CLMN: variants seen among roughly 807,000 people sequenced by gnomAD.
The protein encoded by CLMN is calmin, also known as calmin (calponin-like, transmembrane).
In CLMN, 57 loss-of-function variants were observed where a neutral mutation model predicts 92.7. The ratio of observed to expected loss-of-function variants is 0.61; its 90% confidence interval spans 0.50 to 0.77. The LOEUF (loss-of-function observed/expected upper bound fraction) is 0.77. CLMN is among the 30% of genes least tolerant of loss of function. CLMN has a pLI of 0.00. For synonymous variants in CLMN, 466 were observed against 470.6 expected (o/e 0.99, Z 0.13); for missense variants, 1,158 against 1,237.5 (o/e 0.94, Z 0.96).
At position 95,228,166 on chromosome 14, in the gene CLMN, T is replaced by C. The variant is rs184189195; in HGVS notation, c.144+1906A>G. Among the ~76,000 whole-genome samples, 80 of 152,268 alleles carry C rather than the reference T, an allele frequency of 5.3e-4. 1 individual carries two copies. The highest frequency in any genetic ancestry group is 4.6e-3 in the Admixed American group (70 of 15,284). On this transcript the variant is annotated intron_variant, in intron 2 of 12. Coordinates refer to ENST00000298912, the MANE Select transcript of CLMN (RefSeq NM_024734.4). The stretch of plus-strand genomic sequence containing the variant: ...TTTTCTGTATTTATTTATTTTAATT[T>C]TTTAAAAAAGAAAGAAAGAAATACT...
chr14:95,221,454 C>T (rs957408436), intron 4 of CLMN, among the ~76,000 whole-genome samples: 2 of 152,180 alleles, frequency 1.3e-5, no homozygotes, highest in East Asian at 1.9e-4. Context: ...TACGACTGAA[C>T]GTACATCAGA....
rs1408715555 is a variant in CLMN, at chr14:95,194,983, T to A, written c.2709-387A>T. Among the ~76,000 whole-genome samples, 4 of 152,196 alleles carry A rather than the reference T, an allele frequency of 2.6e-5. No homozygotes were observed. The highest frequency in any genetic ancestry group is 5.9e-5 in the Non-Finnish European group (4 of 68,028). ...TGGGCCTAGACCAGGCTGCCCTGAC[T>A]CTCTCTACCTGCGTCTGAGGTCCAA... On this transcript the variant is annotated intron_variant, in intron 10 of 12. Coordinates refer to ENST00000298912, the MANE Select transcript of CLMN (RefSeq NM_024734.4). The surrounding 1 kb of genome is among the most constrained non-coding windows in gnomAD (Gnocchi z 4.0).
chr14:95,191,596 G>A lies in CLMN; in HGVS notation c.2977C>T (p.Leu993Phe), dbSNP rs1472391903. ...CTGCTAACATCCAGTTGTGGGAAGA[G>A]CAGCAAGCAGTACACCAGGAGCCAC... ...FLWLLVYCLLLFPQLDVSRL is the reference protein window; with the variant it reads ...FLWLLVYCLLFFPQLDVSRL Residue 993 changes from leucine to phenylalanine, a missense_variant, in exon 13 of 13, where the codon CTC becomes TTC. Transcript: ENST00000298912. This position sits in a 1 kb window ranked among gnomAD's most constrained non-coding sequence, Gnocchi z 5.3. 6 of 1,613,290 alleles carry A rather than the reference G, an allele frequency of 3.7e-6. No homozygotes were observed. The African/African-American group carries it at 5.3e-5, about 14-fold the overall frequency.
At chr14:95,248,959 C>T (rs78948683) in intron 1 of CLMN, among the ~76,000 whole-genome samples, 12,758 of 152,076 alleles carry the variant, frequency 0.084, 540 homozygotes, top group South Asian at 0.094. Flanking sequence ...CAACACCAAT[C>T]GGGGGAAATA....
intron 1 of CLMN, among the ~76,000 whole-genome samples, chr14:95,248,566 C>T (rs1336461418): frequency 3.3e-5 from 5 of 152,194 alleles, no homozygotes; most frequent in Non-Finnish European, 7.3e-5. Context: ...CCCAGTAAAC[C>T]ACAAGGAAAT....
chr14:95,230,928 G>C (rs1000593432), intron 1 of CLMN, among the ~76,000 whole-genome samples: 1 of 152,248 alleles, frequency 6.6e-6, no homozygotes, highest in Non-Finnish European at 1.5e-5. Context: ...CCTTCTCCCA[G>C]GGGAGAGCAT....
intron 1 of CLMN, among the ~76,000 whole-genome samples, chr14:95,274,640 G>A (rs1393511679): frequency 6.6e-6 from 1 of 152,192 alleles, no homozygotes; most frequent in Non-Finnish European, 1.5e-5. Context: ...TTGAAGGGAA[G>A]ACCCTGACTG....
intron 1 of CLMN, among the ~76,000 whole-genome samples, chr14:95,315,061 C>T (rs1211192414): frequency 6.6e-6 from 1 of 152,158 alleles, no homozygotes; most frequent in Non-Finnish European, 1.5e-5. Flanking sequence ...AGCATCCCAT[C>T]CCACTGCTGT....
intron 1 of CLMN, among the ~76,000 whole-genome samples, chr14:95,309,910 T>C (rs1275485612): frequency 3.9e-5 from 6 of 152,136 alleles, no homozygotes; most frequent in African/African-American, 1.4e-4. Context: ...CACAAATAAA[T>C]TCTCTTCTAG....
chr14:95,302,960 T>C (rs568832679), intron 1 of CLMN, among the ~76,000 whole-genome samples: 2 of 152,314 alleles, frequency 1.3e-5, no homozygotes, highest in Admixed American at 6.5e-5. Flanking sequence ...GCAGGCATCA[T>C]TTCAGCGGTG....
At chr14:95,239,249 C>T (rs1471757611) in intron 1 of CLMN, among the ~76,000 whole-genome samples, 3 of 152,090 alleles carry the variant, frequency 2.0e-5, no homozygotes, top group Non-Finnish European at 4.4e-5. Context: ...ACATTGATGA[C>T]TATACTCAGG....
At chr14:95,245,215 T>TA (rs1898458594) in intron 1 of CLMN, among the ~76,000 whole-genome samples, 1 of 35,404 alleles carries the variant, frequency 2.8e-5, no homozygotes, top group Admixed American at 4.9e-4. Context: ...ATATTATATA[T>TA]ATATATATAT....
chr14:95,239,252 T>C (rs1369024413), intron 1 of CLMN, among the ~76,000 whole-genome samples: 1 of 152,110 alleles, frequency 6.6e-6, no homozygotes, highest in Non-Finnish European at 1.5e-5. Flanking sequence ...TTGATGACTA[T>C]ACTCAGGCAT....
At chr14:95,225,239 G>A (rs1469241347) in intron 2 of CLMN, among the ~76,000 whole-genome samples, 1 of 151,158 alleles carries the variant, frequency 6.6e-6, no homozygotes, top group Non-Finnish European at 1.5e-5. Context: ...CACCTCACAT[G>A]AGCCAACGAG....
intron 5 of CLMN, 137 bp from the exon 6 acceptor site, chr14:95,213,546 C>G: frequency 1.4e-6 from 1 of 736,492 alleles, no homozygotes. Flanking sequence ...GCAGAGAAAC[C>G]CTTTCTGATG....
At chr14:95,201,365 C>T (rs1164509583) in intron 9 of CLMN, among the ~76,000 whole-genome samples, 3 of 151,578 alleles carry the variant, frequency 2.0e-5, no homozygotes, top group East Asian at 1.9e-4. Flanking sequence ...CAGCCCTCCC[C>T]ACCCCTCTCA....
chr14:95,227,545 G>C (rs1030102192), intron 2 of CLMN, among the ~76,000 whole-genome samples: 1 of 152,200 alleles, frequency 6.6e-6, no homozygotes. Context: ...TACCAGCCCC[G>C]GCCGTGGCCA....
At chr14:95,215,030 AC>A in intron 5 of CLMN, among the ~76,000 whole-genome samples, 2 of 152,176 alleles carry the variant, frequency 1.3e-5, no homozygotes, top group East Asian at 3.8e-4. Context: ...GGTGCGGCAA[AC>A]CACCATGGCA....
Position 95,191,563 on chromosome 14 carries a change from A to G in CLMN, c.*1T>C. ...TCTTTTTTATTATCCAGACACACGT[A>G]TCAGAGCCTGCTAACATCCAGTTGT... On this transcript the variant is annotated 3_prime_UTR_variant, in exon 13 of 13. Coordinates refer to ENST00000298912, the MANE Select transcript of CLMN (RefSeq NM_024734.4). This position sits in a 1 kb window ranked among gnomAD's most constrained non-coding sequence, Gnocchi z 5.3. 6.2e-7 allele frequency: 1 copy of G among 1,611,432 alleles called. No individual in the cohort carries two copies. Among genetic ancestry groups the G allele is most frequent in the Non-Finnish European group, 8.5e-7 (1 of 1,178,874 alleles).
Sources: gnomAD v4.1 joint callset for allele counts (sites outside exome capture counted in the v4.1 genomes callset) on GRCh38, gnomAD v4.1.1 for gene constraint, Gnocchi (gnomAD v3.1) non-coding constraint, MANE v1.5 for transcripts, NCBI Gene and HGNC (gene_info 2026-07-23, HGNC 2026-07-21) for gene names.